The following PARP8 variants were observed in gnomAD, a reference collection of about 807,000 sequenced individuals.
The protein encoded by PARP8 is protein mono-ADP-ribosyltransferase PARP8.
In PARP8, 51 loss-of-function variants were observed where a neutral mutation model predicts 124.1. The observed-to-expected ratio is 0.41, with a 90% CI of 0.33 to 0.52. The LOEUF (loss-of-function observed/expected upper bound fraction) is 0.52. PARP8 is among the 20% of genes least tolerant of loss of function. The pLI is 0.21. For missense variants in PARP8, 860 were observed against 1,018.9 expected, an observed-to-expected ratio of 0.84 and a Z score of 2.12; for synonymous variants, 391 against 361.5, an observed-to-expected ratio of 1.08 and a Z score of -0.93.
At chr5:50,738,032 C>T (rs1311343330) in intron 2 of PARP8, among the ~76,000 whole-genome samples, 1 of 152,100 alleles carries the variant, frequency 6.6e-6, no homozygotes, top group Non-Finnish European at 1.5e-5. Flanking sequence ...TTTTAGTAAC[C>T]ACTTAGAAAT....
chr5:50,667,857 G>A, intron 1 of PARP8: 1 of 1,373,254 alleles, frequency 7.3e-7, no homozygotes, highest in Non-Finnish European at 9.9e-7. Context: ...CATGGCACCC[G>A]GCACTTGTTG....
rs1458391777 is a variant in PARP8 at position 50,788,538 on chromosome 5, T to G, written c.686T>G (p.Val229Gly). 6.2e-7 allele frequency: 1 copy of G among 1,613,460 alleles called. No individual in the cohort carries two copies. Among genetic ancestry groups the G allele is most frequent in the Non-Finnish European group, 8.5e-7 (1 of 1,179,686 alleles). Residue 229 changes from valine (V) to glycine (G), a missense_variant, in exon 10 of 26, where the codon GTC becomes GGC. Around this residue, in one of 2 missense-constraint regions of PARP8, gnomAD observed 517 missense variants for 544.2 expected, o/e 0.95. Transcript: ENST00000281631. ...YLNGPVPTVDVFQISTKERFG... is the reference protein window; with the variant it reads ...YLNGPVPTVDGFQISTKERFG... Reference sequence around the variant, plus strand: ...TCCTTTCCAGTGCCCACTGTTGATGTCTTTCAGATTTCCACAAAAGAGCGA... The same window carrying G: ...TCCTTTCCAGTGCCCACTGTTGATGGCTTTCAGATTTCCACAAAAGAGCGA...
At chr5:50,802,881 T>G (rs1053565147) in intron 14 of PARP8, among the ~76,000 whole-genome samples, 2 of 152,232 alleles carry the variant, frequency 1.3e-5, no homozygotes, top group Non-Finnish European at 2.9e-5. Flanking sequence ...CCTTTGTATT[T>G]ACCTGTATGC....
At chr5:50,711,800 G>A (rs1206929651) in intron 2 of PARP8, among the ~76,000 whole-genome samples, 1 of 152,062 alleles carries the variant, frequency 6.6e-6, no homozygotes, top group East Asian at 1.9e-4. Flanking sequence ...GCAGCCAAAA[G>A]CATTATTGCT....
chr5:50,716,273 AG>A (rs1040752910), intron 2 of PARP8, among the ~76,000 whole-genome samples: 2 of 152,128 alleles, frequency 1.3e-5, no homozygotes, highest in African/African-American at 4.8e-5. Context: ...TATACGATAT[AG>A]GGTAGTTCTG....
intron 3 of PARP8, among the ~76,000 whole-genome samples, chr5:50,755,756 A>G (rs1429556100): frequency 6.6e-6 from 1 of 152,148 alleles, no homozygotes; most frequent in Non-Finnish European, 1.5e-5. Context: ...CATTCAATCT[A>G]TAAATTACCT....
chr5:50,672,519 A>C (rs1357279101), intron 2 of PARP8, among the ~76,000 whole-genome samples: 1 of 152,202 alleles, frequency 6.6e-6, no homozygotes, highest in Non-Finnish European at 1.5e-5. Flanking sequence ...ATCCAGTGTG[A>C]CAGAAGTTGC....
intron 25 of PARP8, among the ~76,000 whole-genome samples, chr5:50,840,274 TA>T (rs1027069056): frequency 2.0e-5 from 3 of 151,920 alleles, no homozygotes; most frequent in Admixed American, 1.3e-4. Flanking sequence ...TAAATTAATT[TA>T]AAAACCCACT....
intron 2 of PARP8, among the ~76,000 whole-genome samples, chr5:50,748,747 T>A (rs1020869304): frequency 2.0e-5 from 3 of 152,202 alleles, no homozygotes; most frequent in African/African-American, 7.2e-5. Flanking sequence ...TTTCTCTGAC[T>A]TCTTTTAGAA....
intron 16 of PARP8, among the ~76,000 whole-genome samples, chr5:50,821,865 A>G (rs1018619707): frequency 6.6e-6 from 1 of 152,220 alleles, no homozygotes; most frequent in Non-Finnish European, 1.5e-5. Context: ...ACATATTTAG[A>G]TCTTGCTTGA....
At chr5:50,819,390 C>T (rs1745482069) in intron 15 of PARP8, among the ~76,000 whole-genome samples, 1 of 150,876 alleles carries the variant, frequency 6.6e-6, no homozygotes, top group Non-Finnish European at 1.5e-5. Flanking sequence ...TCATTCCCCT[C>T]CTCCCTACAA....
chr5:50,845,340 A>G lies in PARP8; in HGVS notation c.*3272A>G, dbSNP rs1307012819. 6.6e-6 allele frequency: 1 copy of G among 151,738 alleles called. No individual in the cohort carries two copies. Among genetic ancestry groups the G allele is most frequent in the African/African-American group, 2.4e-5 (1 of 41,370 alleles). The allele number at this position is 151,738 out of a possible 1,614,324, so 9.4% of individuals were successfully genotyped here. The stretch of plus-strand genomic sequence containing the variant: ...AGTCTGGATAACTTCATCAGATGGT[A>G]ATTTAATATGTCATGAAGGGGACAC... On this transcript the variant is annotated 3_prime_UTR_variant, in exon 26 of 26. Transcript: ENST00000281631.
intron 2 of PARP8, among the ~76,000 whole-genome samples, chr5:50,749,029 A>G (rs1758925574): frequency 6.6e-6 from 1 of 152,076 alleles, no homozygotes; most frequent in African/African-American, 2.4e-5. Flanking sequence ...TCTTCTTCAG[A>G]TTGGTTTTTC....
chr5:50,820,557 A>G (rs1469822236), intron 15 of PARP8, among the ~76,000 whole-genome samples: 1 of 152,232 alleles, frequency 6.6e-6, no homozygotes. Context: ...TTAGCCAATC[A>G]AAGGTCATTA....
chr5:50,834,694 A>G, intron 24 of PARP8: 2 of 510,960 alleles, frequency 3.9e-6, no homozygotes, highest in Non-Finnish European at 7.1e-6. Flanking sequence ...GGTAATACTT[A>G]GATGAGTCCC....
At chr5:50,739,446 G>T (rs947164726) in intron 2 of PARP8, among the ~76,000 whole-genome samples, 1 of 151,774 alleles carries the variant, frequency 6.6e-6, no homozygotes, top group Admixed American at 6.6e-5. Context: ...ATCTCCTCTC[G>T]CTACATCAGC....
chr5:50,781,287 TTTTA>T (rs765343412), intron 9 of PARP8, among the ~76,000 whole-genome samples: 1 of 151,636 alleles, frequency 6.6e-6, no homozygotes, highest in Admixed American at 6.6e-5. Flanking sequence ...GTCGCTTTTG[TTTTA>T]TTTGTTTAGT....
chr5:50,720,640 A>G (rs1324572017), intron 2 of PARP8, among the ~76,000 whole-genome samples: 1 of 152,050 alleles, frequency 6.6e-6, no homozygotes, highest in Non-Finnish European at 1.5e-5. Context: ...GGAGCCTGGG[A>G]TATATAGTCC....
chr5:50,832,744 C>T (rs773722942), intron 22 of PARP8, 37 bp from the exon 23 acceptor site: 4 of 1,603,430 alleles, frequency 2.5e-6, no homozygotes, highest in Non-Finnish European at 3.4e-6. Context: ...CATCAGACAG[C>T]TTTGTCCCTA....
Sources: gnomAD v4.1 joint callset for allele counts (sites outside exome capture counted in the v4.1 genomes callset) on GRCh38, gnomAD v4.1.1 for gene constraint, gnomAD v4.1.1 regional missense constraint, MANE v1.5 for transcripts, NCBI Gene and HGNC (gene_info 2026-07-23, HGNC 2026-07-21) for gene names.